MEGF6: variants seen among roughly 807,000 people sequenced by gnomAD.
The protein encoded by MEGF6 is multiple EGF like domains 6, also known as multiple epidermal growth factor-like domains protein 6.
MEGF6 carries 184 observed loss-of-function variants against 207.1 expected under a neutral mutation model. That is an observed-to-expected ratio of 0.89 (90% CI 0.79 to 1.00). MEGF6 has a LOEUF of 1.00. MEGF6 is among the 50% of genes least tolerant of loss of function. The pLI, the probability that MEGF6 is intolerant of heterozygous loss-of-function variation, is 0.00. For missense variants in MEGF6, 2,282 were observed against 2,202.9 expected (o/e 1.04, Z -0.72); for synonymous variants, 1,038 against 910.0 (o/e 1.14, Z -2.53).
At chr1:3,529,540 C>A (rs1642077553) in intron 4 of MEGF6, among the ~76,000 whole-genome samples, 2 of 152,212 alleles carry the variant, frequency 1.3e-5, no homozygotes, top group South Asian at 4.1e-4. Context: ...CCTGCTGCTG[C>A]CCTCGGCTAG....
intron 4 of MEGF6, among the ~76,000 whole-genome samples, chr1:3,579,381 T>C (rs1380868007): frequency 6.6e-6 from 1 of 152,196 alleles, no homozygotes; most frequent in African/African-American, 2.4e-5. Flanking sequence ...GGGAGTCCCA[T>C]TTACAGCTGT....
the MEGF6 span, among the ~76,000 whole-genome samples, chr1:3,621,432 G>C: frequency 5.9e-5 from 9 of 152,106 alleles, no homozygotes; most frequent in African/African-American, 1.9e-4. Flanking sequence ...TGTACGGCCT[G>C]GTTTTTTCTA....
Position 3,501,183 on chromosome 1 carries a change from G to A in MEGF6, c.2440C>T (p.Gln814Ter), listed in dbSNP as rs200279034. Residue 814 changes from glutamine (Q) to a stop codon, truncating the protein, a stop_gained, in exon 19 of 37, where the codon CAG becomes TAG. Coordinates refer to ENST00000356575, the MANE Select transcript of MEGF6 (RefSeq NM_001409.4). LOFTEE classifies it high-confidence loss of function. The stretch of plus-strand genomic sequence containing the variant: ...GCAGCTCCAGCTCACTCACCGTCCT[G>A]GCAGCGGCTGCCGACGAAGCCAGGG... ...CLPGFVGSRC[Q>*]DVCPAGWYGP... 284 of 1,612,184 alleles carry A rather than the reference G, an allele frequency of 1.8e-4. No homozygotes were observed. The highest frequency in any genetic ancestry group is 2.3e-4 in the Non-Finnish European group (276 of 1,179,812).
At chr1:3,521,489 C>A (rs1443385070) in intron 5 of MEGF6, among the ~76,000 whole-genome samples, 5 of 152,206 alleles carry the variant, frequency 3.3e-5, no homozygotes, top group Non-Finnish European at 5.9e-5. Flanking sequence ...GATGCCCCAA[C>A]ACCCTCCCCA....
intron 35 of MEGF6, among the ~76,000 whole-genome samples, chr1:3,491,993 G>A (rs12068558): frequency 4.0e-5 from 6 of 151,676 alleles, no homozygotes; most frequent in Non-Finnish European, 7.4e-5. Flanking sequence ...TTGCGCAGAC[G>A]CACTGGCTAC....
intron 26 of MEGF6, among the ~76,000 whole-genome samples, chr1:3,498,026 C>A (rs1640684982): frequency 6.6e-6 from 1 of 152,112 alleles, no homozygotes. Flanking sequence ...AGGCCCCCAG[C>A]CAGCACAGGC....
In MEGF6 at chr1:3,556,322, C is replaced by A. The variant is rs1011803995; in HGVS notation, c.481+23503G>T. Among the ~76,000 whole-genome samples the A allele has an allele frequency of 6.6e-6, 1 of 152,224 alleles. No individual in the cohort carries two copies. Among genetic ancestry groups the A allele is most frequent in the Non-Finnish European group, 1.5e-5 (1 of 68,044 alleles). On this transcript the variant is annotated intron_variant, in intron 4 of 36. Transcript: ENST00000356575. This position sits in a 1 kb window ranked among gnomAD's most constrained non-coding sequence, Gnocchi z 4.4. ...ACTCCATGATCTTGGCACAAAGACA[C>A]CCCCATGAGCTCCCAGAGGTGACAA...
intron 4 of MEGF6, among the ~76,000 whole-genome samples, chr1:3,539,388 AGGCTCAGGG>A (rs1270116564): frequency 6.6e-6 from 1 of 151,772 alleles, no homozygotes; most frequent in Non-Finnish European, 1.5e-5. Context: ...GGAGAGGGGG[AGGCTCAGGG>A]GGCTCAGCGG....
chr1:3,570,749 G>C (rs1643471481), intron 4 of MEGF6, among the ~76,000 whole-genome samples: 1 of 152,190 alleles, frequency 6.6e-6, no homozygotes, highest in Admixed American at 6.5e-5. Context: ...AGGGCATGAA[G>C]CCCACAACTG....
Position 3,489,441 on chromosome 1 carries a change from A to G in MEGF6, c.*1087T>C, listed in dbSNP as rs1333266296. The stretch of plus-strand genomic sequence containing the variant: ...CCACTCTGCAGAGGAGCCCCCAGCC[A>G]CCACCTCTACCCTCTGCCTCTTCCT... On this transcript the variant is annotated 3_prime_UTR_variant, in exon 37 of 37. Coordinates refer to ENST00000356575, the MANE Select transcript of MEGF6 (RefSeq NM_001409.4). 6.6e-6 allele frequency among the ~76,000 whole-genome samples: 1 copy of G among 152,104 alleles called. No individual in the cohort carries two copies. The highest frequency in any genetic ancestry group is 1.9e-4 in the East Asian group (1 of 5,186).
In MEGF6 at chr1:3,565,023, T is replaced by C. The variant is rs1643306918; in HGVS notation, c.481+14802A>G. Among the ~76,000 whole-genome samples, 1 of 152,190 alleles carries C rather than the reference T, an allele frequency of 6.6e-6. No homozygotes were observed. Among genetic ancestry groups the C allele is most frequent in the African/African-American group, 2.4e-5 (1 of 41,450 alleles). On this transcript the variant is annotated intron_variant, in intron 4 of 36. Coordinates refer to ENST00000356575, the MANE Select transcript of MEGF6 (RefSeq NM_001409.4). The surrounding 1 kb of genome is among the most constrained non-coding windows in gnomAD (Gnocchi z 4.8). ...TGAATTACACCTTTCCTTCCAATTC[T>C]GTCCCAGCACCAGGACGCGGACCCA...
intron 4 of MEGF6, among the ~76,000 whole-genome samples, chr1:3,561,259 G>A (rs888963250): frequency 1.3e-5 from 2 of 152,286 alleles, no homozygotes; most frequent in Non-Finnish European, 2.9e-5. Context: ...CAAGGGCTAC[G>A]GGGCACTCAG....
chr1:3,500,074 A>C (rs755394438), intron 21 of MEGF6, 150 bp from the exon 22 acceptor site: 3 of 1,238,506 alleles, frequency 2.4e-6, no homozygotes, highest in Non-Finnish European at 3.3e-6. Context: ...GCTCACTCAC[A>C]TGCTTCATCC....
chr1:3,496,091 A>G (rs1338203848), intron 29 of MEGF6, 73 bp from the exon 30 acceptor site: 3 of 1,443,310 alleles, frequency 2.1e-6, no homozygotes, highest in Non-Finnish European at 2.7e-6. Context: ...GAGTGGGGAT[A>G]GGACAGGATG....
Position 3,549,542 on chromosome 1 carries a change from G to A in MEGF6, c.482-25296C>T, listed in dbSNP as rs538342319. On this transcript the variant is annotated intron_variant, in intron 4 of 36. Transcript: ENST00000356575. ...CTTCTGGGGGCACATGGTCATGCTC[G>A]GGTCTGGGCTGGCTGGCGGCAGGCA... Among the ~76,000 whole-genome samples the A allele has an allele frequency of 2.0e-4, 31 of 152,320 alleles. 1 individual carries two copies. In the South Asian group the frequency reaches 2.3e-3, roughly 11 times the overall value.
At chr1:3,518,980 G>A (rs1383597710) in intron 5 of MEGF6, among the ~76,000 whole-genome samples, 3 of 152,158 alleles carry the variant, frequency 2.0e-5, no homozygotes, top group African/African-American at 4.8e-5. Flanking sequence ...AGCTGTCCTC[G>A]TCCACACGCC....
In MEGF6 at chr1:3,505,549, C is replaced by A; in HGVS notation, c.1926G>T (p.Pro642=). Residue 642 remains proline, a synonymous_variant, in exon 16 of 37, where the codon CCG becomes CCT. Coordinates refer to ENST00000356575, the MANE Select transcript of MEGF6 (RefSeq NM_001409.4). The part of the protein sequence containing the change: ...LYGRFCHLTC[P]PWAFGPGCSE... ...AGCAGCCCGGCCCAAAGGCCCACGG[C>A]GGGCAGGCTGCACCCACAGAACCGT... The A allele has an allele frequency of 6.3e-7, 1 of 1,577,666 alleles. No homozygotes were observed. Among genetic ancestry groups the A allele is most frequent in the Non-Finnish European group, 8.6e-7 (1 of 1,165,360 alleles).
At position 3,488,091 on chromosome 1, in the gene MEGF6, T is replaced by TA. The variant is rs1485273763; in HGVS notation, c.*2436dup. Among the ~76,000 whole-genome samples the TA allele has an allele frequency of 6.6e-6, 1 of 152,210 alleles. No homozygotes were observed. The highest frequency in any genetic ancestry group is 1.5e-5 in the Non-Finnish European group (1 of 68,038). ...GCATATCATCATCTCAAGCGTTTATTATGTGTGTTGAGAATGTTCAATATC... is the reference window on the plus strand; with the variant it reads ...GCATATCATCATCTCAAGCGTTTATTAATGTGTGTTGAGAATGTTCAATATC... On this transcript the variant is annotated 3_prime_UTR_variant, in exon 37 of 37. Transcript: ENST00000356575.
At position 3,495,964 on chromosome 1, in the gene MEGF6, T is replaced by G. The variant is rs371058273; in HGVS notation, c.3797A>C (p.Gln1266Pro). The change falls in exon 30 of 37, where the codon CAG becomes CCG. Residue 1266 changes from glutamine to proline, a missense_variant. Transcript: ENST00000356575. ...GGTCACAGGGTCGCAGGCCGCCCCC[T>G]GCCCACACCCACACACGTGGGTGCA... is the stretch of plus-strand genomic sequence containing the variant. Reference protein sequence around the residue: ...PNCTHVCGCGQGAACDPVTGT... With the variant: ...PNCTHVCGCGPGAACDPVTGT... 1.6e-5 allele frequency: 26 copies of G among 1,582,328 alleles called. No homozygotes were observed. In the African/African-American group the frequency reaches 2.4e-4, roughly 15 times the overall value.
Sources: allele counts gnomAD v4.1 joint callset (sites outside exome capture counted in the v4.1 genomes callset), GRCh38; gene constraint gnomAD v4.1.1; non-coding constraint Gnocchi (gnomAD v3.1); transcripts MANE v1.5; gene names NCBI Gene and HGNC (gene_info 2026-07-23, HGNC 2026-07-21).